GOLPH3: variants seen among roughly 807,000 people sequenced by gnomAD.
GOLPH3 encodes the protein coat protein GPP34.
GOLPH3 carries 14 observed loss-of-function variants against 28.5 expected under a neutral mutation model. That is an observed-to-expected ratio of 0.49 (90% CI 0.32 to 0.77). The LOEUF is 0.77. Among genes scored for constraint, GOLPH3 ranks in the 30% least tolerant of loss-of-function variants. GOLPH3 has a pLI of 0.03. For missense variants in GOLPH3, 350 were observed against 393.7 expected (o/e 0.89, Z 0.94); for synonymous variants, 158 against 159.2 (o/e 0.99, Z 0.06).
intron 1 of GOLPH3, among the ~76,000 whole-genome samples, chr5:32,170,961 G>C (rs1007375849): frequency 4.6e-5 from 7 of 151,712 alleles, no homozygotes; most frequent in Non-Finnish European, 8.8e-5. Context: ...CTCACAATAA[G>C]CTAGCAAGCA....
At chr5:32,149,586 TAAG>T (rs138088166) in intron 1 of GOLPH3, among the ~76,000 whole-genome samples, 4,579 of 152,276 alleles carry the variant, frequency 0.03, 146 homozygotes, top group East Asian at 0.16. Context: ...TGTCAAAAAT[TAAG>T]AATCAAAAAG....
intron 1 of GOLPH3, among the ~76,000 whole-genome samples, chr5:32,165,927 T>C (rs535254387): frequency 7.9e-5 from 12 of 152,328 alleles, no homozygotes; most frequent in African/African-American, 2.9e-4. Flanking sequence ...CCTGGAAACC[T>C]GGAATTTTCT....
chr5:32,173,802 G>A lies in GOLPH3; in HGVS notation c.225+8C>T. 16 of 1,407,450 alleles carry A rather than the reference G, an allele frequency of 1.1e-5. No individual in the cohort carries two copies. The highest frequency in any genetic ancestry group is 1.6e-5 in the South Asian group (1 of 61,670). The allele number at this position is 1,407,450 out of a possible 1,614,324, so 87.2% of individuals were successfully genotyped here. A position where few individuals can be genotyped will look rare whatever the true frequency, so the allele number is the denominator to read the frequency against. On this transcript the variant is annotated splice_region_variant and intron_variant, in intron 1 of 3. Transcript: ENST00000265070. ...CGCCGCCCCCCGCCCAGCCCGCCGCGCCCGCACCTCGCGGTCCTTGAGGCC... is the reference window on the plus strand; with the variant it reads ...CGCCGCCCCCCGCCCAGCCCGCCGCACCCGCACCTCGCGGTCCTTGAGGCC...
intron 1 of GOLPH3, among the ~76,000 whole-genome samples, chr5:32,144,579 A>T (rs913520272): frequency 6.6e-6 from 1 of 152,246 alleles, no homozygotes; most frequent in Non-Finnish European, 1.5e-5. Context: ...AAACAGTGCG[A>T]CATTGTCTCT....
intron 2 of GOLPH3, among the ~76,000 whole-genome samples, chr5:32,142,366 G>A (rs533423394): frequency 1.4e-4 from 20 of 147,810 alleles, no homozygotes; most frequent in Middle Eastern, 3.5e-3. Flanking sequence ...CCCTCCGCCC[G>A]GCAGCCGCCC....
intron 1 of GOLPH3, 47 bp from the exon 2 acceptor site, chr5:32,143,927 T>A: frequency 7.5e-7 from 1 of 1,332,592 alleles, no homozygotes; most frequent in Non-Finnish European, 1.0e-6. Context: ...TAATTTACCT[T>A]GAATTCAGAG....
intron 1 of GOLPH3, among the ~76,000 whole-genome samples, chr5:32,145,088 T>C (rs161525): frequency 0.033 from 5,047 of 152,280 alleles, 290 homozygotes; most frequent in African/African-American, 0.12. Context: ...TCCTGGCACT[T>C]TGTCAGGCCA....
intron 2 of GOLPH3, among the ~76,000 whole-genome samples, chr5:32,138,954 C>T (rs1472568839): frequency 6.6e-6 from 1 of 152,356 alleles, no homozygotes; most frequent in African/African-American, 2.4e-5. Context: ...ATTGCCACCA[C>T]TTCTTACGTC....
intron 2 of GOLPH3, among the ~76,000 whole-genome samples, chr5:32,142,648 T>G (rs1229116906): frequency 4.1e-4 from 30 of 72,956 alleles, no homozygotes; most frequent in African/African-American, 5.6e-4. Flanking sequence ...GGGAGGGAGG[T>G]GGGGGGGTCA....
intron 1 of GOLPH3, among the ~76,000 whole-genome samples, chr5:32,154,335 A>C (rs905237273): frequency 2.0e-5 from 3 of 152,232 alleles, no homozygotes; most frequent in Non-Finnish European, 4.4e-5. Flanking sequence ...ATTAAAAATG[A>C]ATTTGTGATA....
intron 1 of GOLPH3, among the ~76,000 whole-genome samples, chr5:32,171,249 T>C (rs987294493): frequency 6.6e-6 from 1 of 151,652 alleles, no homozygotes; most frequent in Non-Finnish European, 1.5e-5. Context: ...ATATATAAAA[T>C]ACACTAACAC....
chr5:32,151,716 T>C (rs950339723), intron 1 of GOLPH3, among the ~76,000 whole-genome samples: 1 of 152,112 alleles, frequency 6.6e-6, no homozygotes, highest in East Asian at 1.9e-4. Flanking sequence ...AACCATGAAT[T>C]TGGATAAATA....
intron 1 of GOLPH3, among the ~76,000 whole-genome samples, chr5:32,168,657 A>C (rs1746765787): frequency 6.6e-6 from 1 of 152,210 alleles, no homozygotes; most frequent in African/African-American, 2.4e-5. Flanking sequence ...ACCATGCCAA[A>C]GAACAGTCTG....
At chr5:32,169,697 G>A (rs2111900483) in intron 1 of GOLPH3, among the ~76,000 whole-genome samples, 1 of 152,242 alleles carries the variant, frequency 6.6e-6, no homozygotes, top group Non-Finnish European at 1.5e-5. Context: ...ACAGGGAAAG[G>A]AAAATACCTG....
rs777469561 is a variant in GOLPH3, at chr5:32,173,976, C to A, written c.59G>T (p.Arg20Leu). The change falls in exon 1 of 4, where the codon CGC (arginine) becomes CTC (leucine). Residue 20 changes from arginine (R) to leucine (L), a missense_variant. Arg to Leu is a moderately radical substitution (Grantham distance 102, BLOSUM62 -2). Transcript: ENST00000265070. ...CGCCCGCTCCTTGTCGGCGGCGTTGCGGGAGGCCTCGGTGCGCCGCTGCAC... is the reference window on the plus strand; with the variant it reads ...CGCCCGCTCCTTGTCGGCGGCGTTGAGGGAGGCCTCGGTGCGCCGCTGCAC... ...GLVQRRTEAS[R>L]NAADKERAAG... 10 of 1,384,978 alleles carry A rather than the reference C, an allele frequency of 7.2e-6. No homozygotes were observed. The highest frequency in any genetic ancestry group is 8.4e-6 in the Non-Finnish European group (9 of 1,077,016). The allele number at this position is 1,384,978 out of a possible 1,614,324, so 85.8% of individuals were successfully genotyped here.
chr5:32,158,023 T>TAAA lies in GOLPH3; in HGVS notation c.226-14144_226-14143insTTT, dbSNP rs377527601. On this transcript the variant is annotated intron_variant, in intron 1 of 3. Transcript: ENST00000265070. ...TAAATAAATAAATAAATAAATAAAA[T>TAAA]ACACACACACACACACACACACACA... is the stretch of plus-strand genomic sequence containing the variant. 8.6e-3 allele frequency among the ~76,000 whole-genome samples: 231 copies of TAAA among 26,750 alleles called. 15 individuals carry two copies. The highest frequency in any genetic ancestry group is 0.057 in the East Asian group (70 of 1,220). The allele number at this position is 26,750 out of a possible 152,430, so 17.5% of individuals were successfully genotyped here.
At chr5:32,171,997 T>C (rs936209796) in intron 1 of GOLPH3, among the ~76,000 whole-genome samples, 1 of 152,190 alleles carries the variant, frequency 6.6e-6, no homozygotes, top group Non-Finnish European at 1.5e-5. Context: ...ATTTCCAATT[T>C]TGAAACCTAA....
chr5:32,167,566 T>A lies in GOLPH3; in HGVS notation c.225+6244A>T, dbSNP rs535010455. On this transcript the variant is annotated intron_variant, in intron 1 of 3. Transcript: ENST00000265070. ...AAATATCAAATATTAGTATAACTTATGAGATGAGTTAGTGAATATTTTGAC... is the reference window on the plus strand; with the variant it reads ...AAATATCAAATATTAGTATAACTTAAGAGATGAGTTAGTGAATATTTTGAC... 1.6e-4 allele frequency among the ~76,000 whole-genome samples: 24 copies of A among 152,302 alleles called. No homozygotes were observed. The South Asian group carries it at 5.0e-3, about 32-fold the overall frequency.
intron 3 of GOLPH3, among the ~76,000 whole-genome samples, chr5:32,131,345 A>G (rs972332181): frequency 6.6e-6 from 1 of 152,256 alleles, no homozygotes; most frequent in Non-Finnish European, 1.5e-5. Flanking sequence ...GAACTAAGCT[A>G]AATCAAAAGA....
Sources: allele counts gnomAD v4.1 joint callset (sites outside exome capture counted in the v4.1 genomes callset), GRCh38; gene constraint gnomAD v4.1.1; transcripts MANE v1.5; gene names NCBI Gene and HGNC (gene_info 2026-07-23, HGNC 2026-07-21).